The following SLC25A48 variants were observed in gnomAD, a reference collection of about 807,000 sequenced individuals.
SLC25A48 encodes solute carrier family 25 member 48.
In SLC25A48, 29 loss-of-function variants were observed where a neutral mutation model predicts 32.2. That is an observed-to-expected ratio of 0.90 (90% CI 0.67 to 1.23). The LOEUF is 1.23. Ranked by LOEUF, SLC25A48 falls within the 50% of genes most tolerant of loss-of-function variation. SLC25A48 has a pLI of 0.00. For missense variants in SLC25A48, 399 were observed against 422.7 expected (o/e 0.94, Z 0.49); for synonymous variants, 164 against 172.3 (o/e 0.95, Z 0.38).
At chr5:135,685,016 C>A (rs769517764) in intron 3 of SLC25A48, among the ~76,000 whole-genome samples, 5 of 152,208 alleles carry the variant, frequency 3.3e-5, no homozygotes, top group African/African-American at 4.8e-5. Context: ...AGTTTACACT[C>A]TCACGAGCAG....
At chr5:135,866,146 T>A (rs1326602542) in intron 4 of SLC25A48, among the ~76,000 whole-genome samples, 1 of 152,222 alleles carries the variant, frequency 6.6e-6, no homozygotes, top group Non-Finnish European at 1.5e-5. Flanking sequence ...AAGGATTTTC[T>A]GTAGAAAGTG....
At chr5:135,795,769 C>T (rs73285099) in intron 3 of SLC25A48, among the ~76,000 whole-genome samples, 1 of 150,838 alleles carries the variant, frequency 6.6e-6, no homozygotes, top group African/African-American at 2.4e-5. Flanking sequence ...TGACTGCTCT[C>T]CATATCACTG....
At chr5:135,615,600 G>C (rs1752167850) in intron 1 of SLC25A48, among the ~76,000 whole-genome samples, 1 of 152,194 alleles carries the variant, frequency 6.6e-6, no homozygotes, top group Admixed American at 6.5e-5. Flanking sequence ...ATTTAAAAGG[G>C]AAGCAGAGGG....
chr5:135,685,018 C>A (rs1753984939), intron 3 of SLC25A48, among the ~76,000 whole-genome samples: 1 of 152,200 alleles, frequency 6.6e-6, no homozygotes, highest in Admixed American at 6.5e-5. Context: ...TTTACACTCT[C>A]ACGAGCAGTG....
intron 3 of SLC25A48, among the ~76,000 whole-genome samples, chr5:135,764,298 C>T (rs907139004): frequency 6.6e-6 from 1 of 151,976 alleles, no homozygotes; most frequent in African/African-American, 2.4e-5. Context: ...AGTAATATTA[C>T]TCCCAATATC....
intron 1 of SLC25A48, among the ~76,000 whole-genome samples, chr5:135,590,376 G>A (rs926261475): frequency 6.6e-6 from 1 of 152,142 alleles, no homozygotes; most frequent in Admixed American, 6.5e-5. Flanking sequence ...CACCATCCCT[G>A]CCCATGGGCC....
intron 3 of SLC25A48, among the ~76,000 whole-genome samples, chr5:135,718,317 C>T (rs1043623091): frequency 6.6e-6 from 1 of 152,132 alleles, no homozygotes; most frequent in African/African-American, 2.4e-5. Context: ...GCACTAGGCT[C>T]ACATGACAAA....
intron 4 of SLC25A48, among the ~76,000 whole-genome samples, chr5:135,856,340 C>T (rs546753596): frequency 6.6e-6 from 1 of 152,158 alleles, no homozygotes; most frequent in Non-Finnish European, 1.5e-5. Flanking sequence ...GGAGAAGACT[C>T]CTCTCCCTGG....
At chr5:135,643,860 T>C (rs1752897181) in intron 3 of SLC25A48, among the ~76,000 whole-genome samples, 1 of 152,182 alleles carries the variant, frequency 6.6e-6, no homozygotes, top group African/African-American at 2.4e-5. Context: ...GCCATGTGTT[T>C]AGCGCTATGA....
intron 1 of SLC25A48, among the ~76,000 whole-genome samples, chr5:135,625,284 C>T (rs1251346770): frequency 6.6e-6 from 1 of 152,044 alleles, no homozygotes; most frequent in African/African-American, 2.4e-5. Flanking sequence ...CTGCACAGCA[C>T]CAGAGAGCCT....
intron 3 of SLC25A48, among the ~76,000 whole-genome samples, chr5:135,799,294 G>A (rs1757262747): frequency 6.6e-6 from 1 of 151,568 alleles, no homozygotes. Context: ...TACCAATATT[G>A]AAGGGCAGAT....
chr5:135,778,680 C>T (rs955155336), intron 3 of SLC25A48, among the ~76,000 whole-genome samples: 1 of 125,000 alleles, frequency 8.0e-6, no homozygotes, highest in East Asian at 2.4e-4. Flanking sequence ...ATCACAGGGG[C>T]TGTACACCCT....
At position 135,768,015 on chromosome 5, in the gene SLC25A48, A is replaced by G. The variant is rs565180782; in HGVS notation, c.-520-44508A>G. 4.1e-5 allele frequency among the ~76,000 whole-genome samples: 6 copies of G among 144,592 alleles called. No homozygotes were observed. The East Asian group carries it at 1.3e-3, about 30-fold the overall frequency. 94.9% of individuals were successfully genotyped at this position (144,592 alleles called of 152,430 possible). On this transcript the variant is annotated intron_variant, in intron 3 of 10. Transcript: ENST00000646290. The stretch of plus-strand genomic sequence containing the variant: ...CACAGCGGGTGTACACACCCTTGTG[A>G]TAATGTTCATAATATCAAGGGGGGA...
At chr5:135,689,043 T>G (rs1484545711) in intron 3 of SLC25A48, among the ~76,000 whole-genome samples, 1 of 152,168 alleles carries the variant, frequency 6.6e-6, no homozygotes, top group African/African-American at 2.4e-5. Context: ...GATTAATTAA[T>G]AAGATCAAGG....
At chr5:135,787,564 G>T (rs1054209678) in intron 3 of SLC25A48, among the ~76,000 whole-genome samples, 1 of 151,898 alleles carries the variant, frequency 6.6e-6, no homozygotes, top group Non-Finnish European at 1.5e-5. Flanking sequence ...TTCACAGGAG[G>T]TGTACACCCT....
chr5:135,750,306 T>A (rs1339708436), intron 3 of SLC25A48, among the ~76,000 whole-genome samples: 3 of 152,174 alleles, frequency 2.0e-5, no homozygotes, highest in Admixed American at 2.0e-4. Context: ...CCATGGTTTA[T>A]TGCTTCCTGT....
upstream of SLC25A48, among the ~76,000 whole-genome samples, chr5:135,834,408 T>TCAGCA (rs1371895998): frequency 2.0e-5 from 3 of 152,240 alleles, no homozygotes; most frequent in South Asian, 2.1e-4. Context: ...ATCAGCATTG[T>TCAGCA]CAGCACAGCA....
chr5:135,852,525 G>C (rs2304078), intron 3 of SLC25A48, 38 bp from the exon 4 acceptor site: 1,239,964 of 1,559,876 alleles, frequency 0.79, 495,007 homozygotes, highest in Middle Eastern at 0.88. Flanking sequence ...ACGGCAGCCC[G>C]GGGTCCTCAC....
chr5:135,763,913 G>A (rs1330556511), intron 3 of SLC25A48, among the ~76,000 whole-genome samples: 1 of 152,066 alleles, frequency 6.6e-6, no homozygotes, highest in Non-Finnish European at 1.5e-5. Context: ...TCGCTCTGCC[G>A]CCCAGGCTGA....
Sources: gnomAD v4.1 joint callset for allele counts (sites outside exome capture counted in the v4.1 genomes callset) on GRCh38, gnomAD v4.1.1 for gene constraint, MANE v1.5 for transcripts, NCBI Gene and HGNC (gene_info 2026-07-23, HGNC 2026-07-21) for gene names.